SUMF1: variants seen among roughly 807,000 people sequenced by gnomAD.
SUMF1 encodes sulfatase modifying factor 1.
Under a neutral mutation model 47.6 loss-of-function variants are expected in SUMF1, and 48 were observed. The observed-to-expected ratio is 1.01, with a 90% CI of 0.80 to 1.28. The LOEUF (loss-of-function observed/expected upper bound fraction) is 1.28, where lower values mean the gene tolerates loss of function less well. Among genes scored for constraint, SUMF1 ranks in the 50% most tolerant of loss-of-function variants. SUMF1 has a pLI of 0.00. For missense variants in SUMF1, 571 were observed against 485.4 expected, an observed-to-expected ratio of 1.18 and a Z score of -1.66; for synonymous variants, 230 against 192.1, an observed-to-expected ratio of 1.20 and a Z score of -1.63.
chr3:4,233,849 T>C (rs1318431549), intron 8 of SUMF1, among the ~76,000 whole-genome samples: 1 of 152,118 alleles, frequency 6.6e-6, no homozygotes, highest in African/African-American at 2.4e-5. Flanking sequence ...TTCCTCAAAG[T>C]AACAGCACCA....
intron 8 of SUMF1, among the ~76,000 whole-genome samples, chr3:4,343,562 C>CA (rs1258933538): frequency 1.3e-5 from 2 of 152,212 alleles, no homozygotes; most frequent in African/African-American, 4.8e-5. Flanking sequence ...ATGAAGACCT[C>CA]AGTTTGATTT....
chr3:4,103,526 T>G (rs1693086358), intron 8 of SUMF1, among the ~76,000 whole-genome samples: 1 of 152,138 alleles, frequency 6.6e-6, no homozygotes, highest in Admixed American at 6.5e-5. Context: ...TGGCAAGTCC[T>G]AGAATGTTCC....
At chr3:4,449,195 T>C in intron 3 of SUMF1, 71 bp downstream of exon 3, 2 of 1,543,380 alleles carry the variant, frequency 1.3e-6, no homozygotes, top group Non-Finnish European at 1.8e-6. Flanking sequence ...CACATGTGGT[T>C]TGGATTTTTC....
At chr3:4,375,396 C>A (rs1298435901) in intron 8 of SUMF1, among the ~76,000 whole-genome samples, 3 of 152,072 alleles carry the variant, frequency 2.0e-5, no homozygotes, top group African/African-American at 7.3e-5. Context: ...TTAAAAAATG[C>A]AATGCCCAGC....
chr3:4,170,351 A>C (rs1438236015), intron 8 of SUMF1, among the ~76,000 whole-genome samples: 1 of 152,160 alleles, frequency 6.6e-6, no homozygotes, highest in Non-Finnish European at 1.5e-5. Flanking sequence ...TGAGTGCCCT[A>C]GATTTTCTGA....
At chr3:4,377,394 T>C (rs1264377797) in intron 7 of SUMF1, among the ~76,000 whole-genome samples, 1 of 151,576 alleles carries the variant, frequency 6.6e-6, no homozygotes, top group Non-Finnish European at 1.5e-5. Flanking sequence ...ACTTTACAAA[T>C]ATTAACTCAG....
intron 8 of SUMF1, among the ~76,000 whole-genome samples, chr3:4,223,860 A>G (rs1223520418): frequency 3.3e-5 from 5 of 152,152 alleles, no homozygotes; most frequent in Admixed American, 2.6e-4. Context: ...TCATCTGCCA[A>G]ATACCAACTG....
At chr3:4,216,938 T>C (rs967235315) in intron 8 of SUMF1, among the ~76,000 whole-genome samples, 2 of 152,122 alleles carry the variant, frequency 1.3e-5, no homozygotes, top group African/African-American at 4.8e-5. Context: ...AGTTCAACCA[T>C]TGTGGAAGAC....
At chr3:4,455,394 G>A (rs1172945067) in intron 1 of SUMF1, among the ~76,000 whole-genome samples, 1 of 152,178 alleles carries the variant, frequency 6.6e-6, no homozygotes, top group Non-Finnish European at 1.5e-5. Flanking sequence ...TGAACAGACT[G>A]ATAACAAATA....
chr3:4,349,068 TACAGA>T (rs1435921165), intron 8 of SUMF1, among the ~76,000 whole-genome samples: 4 of 152,166 alleles, frequency 2.6e-5, no homozygotes, highest in Admixed American at 1.3e-4. Context: ...ACAAGCAATC[TACAGA>T]ACAGGAGACA....
intron 8 of SUMF1, among the ~76,000 whole-genome samples, chr3:4,254,659 G>T (rs1160354055): frequency 1.4e-4 from 18 of 133,116 alleles, no homozygotes; most frequent in East Asian, 4.1e-4. Flanking sequence ...GAAAGTGATG[G>T]GGAGAATGGA....
intron 8 of SUMF1, among the ~76,000 whole-genome samples, chr3:4,279,205 G>C (rs570209567): frequency 1.3e-5 from 2 of 152,210 alleles, no homozygotes; most frequent in South Asian, 4.1e-4. Flanking sequence ...GTATTACACT[G>C]AAGTACTATA....
Position 4,303,295 on chromosome 3 carries a change from C to A in SUMF1, c.1014+73035G>T, listed in dbSNP as rs914077744. 4 of 1,407,262 alleles carry A rather than the reference C, an allele frequency of 2.8e-6. No individual in the cohort carries two copies. In the African/African-American group the frequency reaches 6.2e-5, roughly 22 times the overall value. The allele number at this position is 1,407,262 out of a possible 1,614,324, so 87.2% of individuals were successfully genotyped here. On this transcript the variant is annotated intron_variant and NMD_transcript_variant, in intron 8 of 12. Transcript: ENST00000448413. Reference sequence around the variant, plus strand: ...TACAATTCCCATGAGGCGGTGGGGCCACGGGACCACAAGTCCCAGCATCCA... The same window carrying A: ...TACAATTCCCATGAGGCGGTGGGGCAACGGGACCACAAGTCCCAGCATCCA...
chr3:4,246,542 C>T (rs1696674910), intron 8 of SUMF1, among the ~76,000 whole-genome samples: 1 of 152,072 alleles, frequency 6.6e-6, no homozygotes, highest in African/African-American at 2.4e-5. Flanking sequence ...GCTGGGACTA[C>T]AGGCGCACGC....
At chr3:4,387,690 T>G (rs1445526636) in intron 7 of SUMF1, among the ~76,000 whole-genome samples, 1 of 152,018 alleles carries the variant, frequency 6.6e-6, no homozygotes, top group Non-Finnish European at 1.5e-5. Context: ...AGACTTTTTC[T>G]CTTTTCTAAT....
chr3:4,138,605 G>A (rs1230247260), intron 8 of SUMF1, among the ~76,000 whole-genome samples: 1 of 152,072 alleles, frequency 6.6e-6, no homozygotes, highest in Non-Finnish European at 1.5e-5. Flanking sequence ...TACCCTTTGA[G>A]CTTTGAGTAT....
At chr3:4,356,392 T>C (rs1575124735), downstream of SUMF1, among the ~76,000 whole-genome samples, 2 of 152,164 alleles carry the variant, frequency 1.3e-5, no homozygotes, top group South Asian at 4.1e-4. Context: ...AGATCACCGA[T>C]GGCTGTTAAA....
chr3:4,310,536 A>T (rs1039801890), intron 8 of SUMF1, among the ~76,000 whole-genome samples: 1 of 152,224 alleles, frequency 6.6e-6, no homozygotes, highest in Admixed American at 6.5e-5. Context: ...AAATTTTCCC[A>T]GAAGTCTCTG....
chr3:4,167,410 AAGTGCTGATTGGTCCATTTTACAG>A (rs1441426879), intron 8 of SUMF1, among the ~76,000 whole-genome samples: 3 of 151,976 alleles, frequency 2.0e-5, no homozygotes, highest in East Asian at 3.9e-4. Context: ...CCATTTTATA[AAGTGCTGATTGGTCCATTTTACAG>A]AGTGCTGATT....
Sources: allele counts gnomAD v4.1 joint callset (sites outside exome capture counted in the v4.1 genomes callset), GRCh38; gene constraint gnomAD v4.1.1; transcripts MANE v1.5; gene names NCBI Gene and HGNC (gene_info 2026-07-23, HGNC 2026-07-21).